The following GLRA2 variants were observed in gnomAD, a reference collection of about 807,000 sequenced individuals.
GLRA2 encodes glycine receptor alpha 2.
In GLRA2, 11 loss-of-function variants were observed where a neutral mutation model predicts 31.6. That is an observed-to-expected ratio of 0.35 (90% CI 0.22 to 0.58). GLRA2 has a LOEUF of 0.58. Among genes scored for constraint, GLRA2 ranks in the 20% least tolerant of loss-of-function variants. The probability of loss-of-function intolerance (pLI) is 0.84; values close to 1 mark genes in which losing one functional copy is unlikely to be tolerated. For synonymous variants in GLRA2, 132 were observed against 134.0 expected, an observed-to-expected ratio of 0.99 and a Z score of 0.10; for missense variants, 212 against 351.8, an observed-to-expected ratio of 0.60 and a Z score of 3.18.
At chrX:14,633,659 A>T (rs187627976) in intron 7 of GLRA2, among the ~76,000 whole-genome samples, 2 of 111,990 alleles carry the variant, frequency 1.8e-5, no homozygotes, top group East Asian at 2.8e-4. Context: ...TTATAAAGCA[A>T]AGAGTTTAAT....
intron 2 of GLRA2, among the ~76,000 whole-genome samples, chrX:14,542,747 C>A (rs1770640503): frequency 9.1e-6 from 1 of 110,234 alleles, no homozygotes; most frequent in Admixed American, 9.7e-5. Flanking sequence ...TATCTCATTG[C>A]CACAAAGAGT....
At chrX:14,457,447 G>T in the GLRA2 span, among the ~76,000 whole-genome samples, 2 of 109,813 alleles carry the variant, frequency 1.8e-5, no homozygotes, top group African/African-American at 6.6e-5. Context: ...AGAACATGCA[G>T]TGTTTGGTTT....
At chrX:14,493,544 C>T in the GLRA2 span, among the ~76,000 whole-genome samples, 1 of 104,232 alleles carries the variant, frequency 9.6e-6, no homozygotes, top group Non-Finnish European at 2.0e-5. Context: ...CATATATATA[C>T]TTATATACAT....
At chrX:14,667,853 T>A (rs1379170813) in intron 7 of GLRA2, among the ~76,000 whole-genome samples, 1 of 112,058 alleles carries the variant, frequency 8.9e-6, no homozygotes, top group Non-Finnish European at 1.9e-5. Flanking sequence ...TAACTGTCAA[T>A]TGCTGCATAA....
chrX:14,635,896 C>T (rs2090705257), intron 7 of GLRA2, among the ~76,000 whole-genome samples: 3 of 110,931 alleles, frequency 2.7e-5, no homozygotes, highest in Non-Finnish European at 5.7e-5. Context: ...CAAAGAGATG[C>T]TTCCCCTTGT....
chrX:14,607,902 T>C (rs930978122), intron 6 of GLRA2, among the ~76,000 whole-genome samples: 4 of 111,065 alleles, frequency 3.6e-5, no homozygotes, highest in Non-Finnish European at 7.6e-5. Flanking sequence ...AGGCATCCGT[T>C]GTTTTCTGGA....
At chrX:14,571,672 A>G (rs2089884895) in intron 2 of GLRA2, among the ~76,000 whole-genome samples, 1 of 111,767 alleles carries the variant, frequency 8.9e-6, no homozygotes, top group Admixed American at 9.5e-5. Flanking sequence ...CAAGGTTCAA[A>G]TATATGTCAG....
rs185290566 is a variant in GLRA2, at chrX:14,622,188, G to A, written c.930+12983G>A. ...TGAGAAGTGTCTGTTCATATCCTTC[G>A]CCCACTTGTTGATGGGGTTGTTTGA... On this transcript the variant is annotated intron_variant, in intron 7 of 8. Coordinates refer to ENST00000218075, the MANE Select transcript of GLRA2 (RefSeq NM_002063.4). Among the ~76,000 whole-genome samples, 185 of 111,763 alleles carry A rather than the reference G, an allele frequency of 1.7e-3. 3 individuals are homozygous for A. In the East Asian group the frequency reaches 0.045, roughly 27 times the overall value.
chrX:14,518,847 G>GAA, the GLRA2 span, among the ~76,000 whole-genome samples: 9 of 91,890 alleles, frequency 9.8e-5, no homozygotes, highest in South Asian at 5.2e-4. Context: ...CGTCTCTACT[G>GAA]AAAAAAAAAA....
chrX:14,459,030 A>G, the GLRA2 span, among the ~76,000 whole-genome samples: 1 of 111,929 alleles, frequency 8.9e-6, no homozygotes, highest in African/African-American at 3.2e-5. Flanking sequence ...TCTTTAATCC[A>G]TCTTGAATTA....
chrX:14,502,023 A>G, the GLRA2 span, among the ~76,000 whole-genome samples: 2 of 111,556 alleles, frequency 1.8e-5, no homozygotes, highest in East Asian at 2.8e-4. Context: ...ACCCACTCCA[A>G]TAACCTCATT....
intron 7 of GLRA2, among the ~76,000 whole-genome samples, chrX:14,639,790 CCTTA>C (rs1175859522): frequency 9.0e-6 from 1 of 111,722 alleles, no homozygotes; most frequent in Non-Finnish European, 1.9e-5. Flanking sequence ...TGTTCACTTG[CCTTA>C]TTTGTTCTTT....
chrX:14,628,767 G>A (rs1354870652), intron 7 of GLRA2, among the ~76,000 whole-genome samples: 1 of 111,774 alleles, frequency 8.9e-6, no homozygotes, highest in African/African-American at 3.2e-5. Flanking sequence ...GAATGTAGAG[G>A]ACAAAAGGGG....
At position 14,731,253 on chromosome X, in the gene GLRA2, G is replaced by A. The variant is rs1460981684; in HGVS notation, c.*768G>A. On this transcript the variant is annotated 3_prime_UTR_variant, in exon 9 of 9. Transcript: ENST00000218075. ...AAGATAAAATTTTGAAACTTAAATT[G>A]TGTATTGTGTAATTAATTTGATAGT... The A allele has an allele frequency of 8.9e-6, 1 of 112,165 alleles. No homozygotes were observed. Among genetic ancestry groups the A allele is most frequent in the Non-Finnish European group, 1.9e-5 (1 of 53,215 alleles). 9.2% of individuals were successfully genotyped at this position (112,165 alleles called of 1,213,427 possible).
the GLRA2 span, among the ~76,000 whole-genome samples, chrX:14,523,925 T>C: frequency 9.0e-6 from 1 of 111,713 alleles, no homozygotes; most frequent in Non-Finnish European, 1.9e-5. Flanking sequence ...TTAGCAGCTG[T>C]AGATTCCATA....
chrX:14,560,481 T>G (rs1601712103), intron 2 of GLRA2, among the ~76,000 whole-genome samples: 2 of 111,833 alleles, frequency 1.8e-5, no homozygotes, highest in African/African-American at 6.5e-5. Flanking sequence ...TCCCAATGTT[T>G]ATTTTTAAAT....
the GLRA2 span, among the ~76,000 whole-genome samples, chrX:14,510,103 T>C: frequency 3.1e-4 from 35 of 111,524 alleles, no homozygotes; most frequent in Non-Finnish European, 6.2e-4. Context: ...GGACTGTATA[T>C]AAAAGTTTGT....
At chrX:14,451,601 A>G in the GLRA2 span, among the ~76,000 whole-genome samples, 1 of 97,883 alleles carries the variant, frequency 1.0e-5, no homozygotes, top group Non-Finnish European at 2.0e-5. Flanking sequence ...TCACGATCAC[A>G]CCACTGCACT....
At chrX:14,484,424 C>T in the GLRA2 span, among the ~76,000 whole-genome samples, 2 of 111,937 alleles carry the variant, frequency 1.8e-5, no homozygotes, top group African/African-American at 6.5e-5. Flanking sequence ...TCAAGAAACA[C>T]CAAGTCAAGA....
Sources: allele counts gnomAD v4.1 joint callset (sites outside exome capture counted in the v4.1 genomes callset), GRCh38; gene constraint gnomAD v4.1.1; transcripts MANE v1.5; gene names NCBI Gene and HGNC (gene_info 2026-07-23, HGNC 2026-07-21).